Variants in NALF1 observed in about 807,000 individuals in gnomAD.
NALF1 encodes the protein NALCN channel auxiliary factor 1.
Under a neutral mutation model 48.4 loss-of-function variants are expected in NALF1, and 3 were observed. That is an observed-to-expected ratio of 0.06 (90% confidence interval 0.03 to 0.16). The LOEUF (loss-of-function observed/expected upper bound fraction) is 0.16. Ranked by LOEUF, NALF1 falls within the 10% of genes least tolerant of loss-of-function variation. NALF1 has a pLI of 1.00. For missense variants in NALF1, 526 were observed against 571.5 expected, an observed-to-expected ratio of 0.92 and a Z score of 0.81; for synonymous variants, 262 against 245.7, an observed-to-expected ratio of 1.07 and a Z score of -0.62.
intron 1 of NALF1, among the ~76,000 whole-genome samples, chr13:107,331,279 T>C (rs1334005769): frequency 6.6e-6 from 1 of 152,218 alleles, no homozygotes; most frequent in East Asian, 1.9e-4. Context: ...TTGAAGACTG[T>C]AGTGCAATCG....
chr13:107,288,600 C>G (rs1390024747), intron 1 of NALF1, among the ~76,000 whole-genome samples: 1 of 147,672 alleles, frequency 6.8e-6, no homozygotes, highest in Non-Finnish European at 1.5e-5. Context: ...GGTGCGATCT[C>G]TGCTCCCTGC....
At chr13:107,256,327 C>T (rs576781438) in intron 1 of NALF1, among the ~76,000 whole-genome samples, 5 of 152,118 alleles carry the variant, frequency 3.3e-5, no homozygotes, top group Admixed American at 6.5e-5. Context: ...TTCAGTGATG[C>T]CACATAAGGA....
chr13:107,368,798 C>A (rs1458300313), intron 1 of NALF1, among the ~76,000 whole-genome samples: 1 of 152,212 alleles, frequency 6.6e-6, no homozygotes, highest in Non-Finnish European at 1.5e-5. Flanking sequence ...CTAACAGGTT[C>A]TTGGAATTGG....
intron 1 of NALF1, among the ~76,000 whole-genome samples, chr13:107,624,556 T>A (rs1158332135): frequency 1.3e-5 from 2 of 152,182 alleles, no homozygotes; most frequent in African/African-American, 4.8e-5. Context: ...AAAGCTTCAC[T>A]TCTTAAAGTA....
At chr13:107,501,308 G>A (rs917920283) in intron 1 of NALF1, among the ~76,000 whole-genome samples, 4 of 152,064 alleles carry the variant, frequency 2.6e-5, no homozygotes, top group Non-Finnish European at 5.9e-5. Context: ...ACACCACAGC[G>A]TGGGGGATCA....
chr13:107,621,900 T>C (rs545891756), intron 1 of NALF1, among the ~76,000 whole-genome samples: 2 of 152,236 alleles, frequency 1.3e-5, no homozygotes, highest in Middle Eastern at 3.4e-3. Context: ...TGCTCCAAGG[T>C]TGGTTCCACC....
In NALF1 at chr13:107,427,770, T is replaced by C. The variant is rs562093659; in HGVS notation, c.916-217015A>G. On this transcript the variant is annotated intron_variant, in intron 1 of 2. Coordinates refer to ENST00000375915, the MANE Select transcript of NALF1 (RefSeq NM_001080396.3). ...CAATCACCAAGCTTCCTCTTTTGAG[T>C]AGCCTAACAAGAGTTGTTCATAAGC... 2.6e-5 allele frequency among the ~76,000 whole-genome samples: 4 copies of C among 152,290 alleles called. No individual in the cohort carries two copies. In the South Asian group the frequency reaches 8.3e-4, roughly 32 times the overall value.
At chr13:107,842,567 A>AT (rs1009461154) in intron 1 of NALF1, among the ~76,000 whole-genome samples, 14 of 151,762 alleles carry the variant, frequency 9.2e-5, no homozygotes, top group African/African-American at 3.4e-4. Flanking sequence ...TGTAGTGGAC[A>AT]TAAGTCCCTC....
chr13:107,636,890 T>C (rs1241771699), intron 1 of NALF1, among the ~76,000 whole-genome samples: 4 of 72,248 alleles, frequency 5.5e-5, no homozygotes, highest in Non-Finnish European at 1.1e-4. Context: ...ATATTATATA[T>C]ATTATATTAT....
At chr13:107,624,236 T>C (rs1879607013) in intron 1 of NALF1, among the ~76,000 whole-genome samples, 1 of 152,192 alleles carries the variant, frequency 6.6e-6, no homozygotes, top group South Asian at 2.1e-4. Context: ...TCTGACTTTG[T>C]AGCTAATGTT....
chr13:107,229,428 C>A (rs1880174350), intron 1 of NALF1, among the ~76,000 whole-genome samples: 1 of 152,204 alleles, frequency 6.6e-6, no homozygotes, highest in East Asian at 1.9e-4. Flanking sequence ...GGGGGACGTG[C>A]AACACCTGCA....
intron 1 of NALF1, among the ~76,000 whole-genome samples, chr13:107,797,372 A>AT (rs987878528): frequency 6.0e-5 from 9 of 150,842 alleles, no homozygotes; most frequent in Non-Finnish European, 7.4e-5. Flanking sequence ...TGCCCGGCTA[A>AT]TTTTTTTTTC....
At chr13:107,421,683 T>C (rs2139009342) in intron 1 of NALF1, among the ~76,000 whole-genome samples, 2 of 152,270 alleles carry the variant, frequency 1.3e-5, no homozygotes, top group Non-Finnish European at 2.9e-5. Flanking sequence ...CTGACGGCTA[T>C]CACAAATGCA....
At chr13:107,578,008 A>T (rs577523129) in intron 1 of NALF1, among the ~76,000 whole-genome samples, 1 of 152,258 alleles carries the variant, frequency 6.6e-6, no homozygotes, top group South Asian at 2.1e-4. Context: ...ATCTAAAAGT[A>T]TCTCCTGTGG....
chr13:107,201,312 G>T (rs907857440), intron 2 of NALF1, among the ~76,000 whole-genome samples: 1 of 152,188 alleles, frequency 6.6e-6, no homozygotes, highest in Admixed American at 6.5e-5. Flanking sequence ...ACAATGAAAT[G>T]CTACATCTTA....
At chr13:107,648,434 T>TCTGAA (rs1880367780) in intron 1 of NALF1, among the ~76,000 whole-genome samples, 1 of 152,194 alleles carries the variant, frequency 6.6e-6, no homozygotes, top group South Asian at 2.1e-4. Context: ...AATCATGCAG[T>TCTGAA]ACATAGCCAT....
chr13:107,238,874 G>T (rs1880407485), intron 1 of NALF1, among the ~76,000 whole-genome samples: 1 of 152,028 alleles, frequency 6.6e-6, no homozygotes, highest in Non-Finnish European at 1.5e-5. Context: ...AATAATACAG[G>T]ATTTTTAAAA....
At chr13:107,408,082 C>T (rs760325504) in intron 1 of NALF1, among the ~76,000 whole-genome samples, 3 of 151,754 alleles carry the variant, frequency 2.0e-5, no homozygotes, top group Non-Finnish European at 1.5e-5. Context: ...TGGAGATAGA[C>T]GGTAGAAAGA....
chr13:107,271,683 T>A (rs1293840557), intron 1 of NALF1, among the ~76,000 whole-genome samples: 4 of 150,934 alleles, frequency 2.7e-5, no homozygotes, highest in African/African-American at 7.3e-5. Context: ...TTCAAGATGG[T>A]CTAATACAAA....
Sources: allele counts gnomAD v4.1 joint callset (sites outside exome capture counted in the v4.1 genomes callset), GRCh38; gene constraint gnomAD v4.1.1; transcripts MANE v1.5; gene names NCBI Gene and HGNC (gene_info 2026-07-23, HGNC 2026-07-21).